PACS1: variants seen among roughly 807,000 people sequenced by gnomAD.
The protein encoded by PACS1 is phosphofurin acidic cluster sorting protein 1.
In PACS1, 24 loss-of-function variants were observed where a neutral mutation model predicts 115.0. That is an observed-to-expected ratio of 0.21 (90% CI 0.15 to 0.29). The LOEUF is 0.29. Among genes scored for constraint, PACS1 ranks in the 10% least tolerant of loss-of-function variants. The pLI is 1.00. For missense variants in PACS1, 838 were observed against 1,251.2 expected (o/e 0.67, Z 4.98); for synonymous variants, 453 against 504.5 (o/e 0.90, Z 1.37).
intron 1 of PACS1, chr11:66,100,969 A>C: frequency 2.2e-6 from 1 of 454,476 alleles, no homozygotes; most frequent in Non-Finnish European, 4.4e-6. Context: ...GGAGAGTCAC[A>C]TGGCCTCATT....
At position 66,243,327 on chromosome 11, in the gene PACS1, C is replaced by A; in HGVS notation, c.*47C>A. 3 of 1,352,678 alleles carry A rather than the reference C, an allele frequency of 2.2e-6. No homozygotes were observed. The highest frequency in any genetic ancestry group is 2.1e-6 in the Non-Finnish European group (2 of 972,876). The allele number at this position is 1,352,678 out of a possible 1,614,324, so 83.8% of individuals were successfully genotyped here. On this transcript the variant is annotated 3_prime_UTR_variant, in exon 24 of 24. Transcript: ENST00000320580. Reference sequence around the variant, plus strand: ...TCCCTCCTGGCACTGCCACCAGCCTCACCGCCTGCGGGCAGGGGGAGGCCA... The same window carrying A: ...TCCCTCCTGGCACTGCCACCAGCCTAACCGCCTGCGGGCAGGGGGAGGCCA...
chr11:66,157,108 A>G (rs1045969954), intron 1 of PACS1, among the ~76,000 whole-genome samples: 2 of 152,076 alleles, frequency 1.3e-5, no homozygotes, highest in African/African-American at 2.4e-5. Flanking sequence ...GTTGTGACCA[A>G]TGACAAATGA....
At chr11:66,180,897 G>A (rs1859995959) in intron 1 of PACS1, among the ~76,000 whole-genome samples, 1 of 152,168 alleles carries the variant, frequency 6.6e-6, no homozygotes, top group Non-Finnish European at 1.5e-5. Context: ...GGGCTCAAGT[G>A]ATCCACCCTC....
chr11:66,205,487 G>T (rs1854914156), intron 2 of PACS1, among the ~76,000 whole-genome samples: 1 of 151,698 alleles, frequency 6.6e-6, no homozygotes, highest in Admixed American at 6.6e-5. Flanking sequence ...ATTATTACAT[G>T]TTGTATGCCT....
At chr11:66,219,665 T>C in intron 7 of PACS1, 81 bp from the exon 8 acceptor site, 1 of 995,682 alleles carries the variant, frequency 1.0e-6, no homozygotes, top group Non-Finnish European at 1.6e-6. Flanking sequence ...GTCATGAAAG[T>C]GGGCTCTGGT....
intron 1 of PACS1, among the ~76,000 whole-genome samples, chr11:66,149,678 T>TCATG (rs1212162741): frequency 8.7e-6 from 1 of 115,588 alleles, no homozygotes; most frequent in Non-Finnish European, 1.8e-5. Flanking sequence ...CATCTTGTGT[T>TCATG]CGTGTGTGTG....
chr11:66,137,022 GC>G (rs10719542), intron 1 of PACS1, among the ~76,000 whole-genome samples: 30,298 of 132,154 alleles, frequency 0.23, 3,429 homozygotes, highest in Middle Eastern at 0.31. Flanking sequence ...GTCACAAATT[GC>G]CCCCCCCCCC....
chr11:66,135,128 A>G (rs969325063), intron 1 of PACS1, among the ~76,000 whole-genome samples: 1 of 151,954 alleles, frequency 6.6e-6, no homozygotes, highest in Non-Finnish European at 1.5e-5. Context: ...TGAACCCGGG[A>G]TGTGGAGGTT....
At chr11:66,202,130 C>G (rs2134686645) in intron 2 of PACS1, among the ~76,000 whole-genome samples, 1 of 152,144 alleles carries the variant, frequency 6.6e-6, no homozygotes, top group Admixed American at 6.5e-5. Context: ...AACTGGAGAA[C>G]CTAGAAGAAA....
rs1230240108 is a variant in PACS1 at position 66,070,743 on chromosome 11, C to T, written c.257C>T (p.Pro86Leu). Residue 86 changes from proline (P) to leucine (L), a missense_variant, in exon 1 of 24, where the codon CCT becomes CTT. Physicochemically the swap from Pro to Leu is moderately conservative, Grantham distance 98. Transcript: ENST00000320580. This position sits in a 1 kb window ranked among gnomAD's most constrained non-coding sequence, Gnocchi z 5.9. ...GTGGCGGTGGCCTCGGGCTCCGCGC[C>T]TCCCGGTGGCCCGGGGCCAGGCCGC... The part of the protein sequence containing the change: ...MAVAVASGSA[P>L]PGGPGPGRTP... 1 of 1,561,070 alleles carries T rather than the reference C, an allele frequency of 6.4e-7. No homozygotes were observed. Among genetic ancestry groups the T allele is most frequent in the South Asian group, 1.2e-5 (1 of 86,168 alleles).
At chr11:66,096,209 CTTTTTTTTTTT>C (rs66569530) in intron 1 of PACS1, among the ~76,000 whole-genome samples, 2 of 119,508 alleles carry the variant, frequency 1.7e-5, no homozygotes, top group Non-Finnish European at 3.3e-5. Context: ...CTTTTTCTTT[CTTTTTTTTTTT>C]TTTTTTTTTT....
intron 1 of PACS1, among the ~76,000 whole-genome samples, chr11:66,101,635 C>T (rs570379269): frequency 2.4e-4 from 37 of 152,240 alleles, no homozygotes; most frequent in Non-Finnish European, 4.4e-4. Context: ...CCTGATGTGT[C>T]ATCGAAGTGG....
chr11:66,225,126 C>T lies in PACS1; in HGVS notation c.1294-2378C>T, dbSNP rs879571014. ...GCCTGCTGCTAAGTCGCTATTTCCA[C>T]AGCACTATAAATAATGGCATTAGAG... On this transcript the variant is annotated intron_variant, in intron 10 of 23. Coordinates refer to ENST00000320580, the MANE Select transcript of PACS1 (RefSeq NM_018026.4). Among the ~76,000 whole-genome samples the T allele has an allele frequency of 1.0e-3, 157 of 152,336 alleles. 3 individuals carry two copies. The highest frequency in any genetic ancestry group is 8.7e-3 in the Admixed American group (133 of 15,294).
At chr11:66,134,254 CTTTTTTTTTTTTT>C (rs1162472902) in intron 1 of PACS1, among the ~76,000 whole-genome samples, 5 of 75,064 alleles carry the variant, frequency 6.7e-5, no homozygotes, top group Admixed American at 2.4e-4. Flanking sequence ...TTTTCTTTTT[CTTTTTTTTTTTTT>C]TTTTTTTTTT....
At chr11:66,150,172 A>C (rs1180312306) in intron 1 of PACS1, among the ~76,000 whole-genome samples, 1 of 152,248 alleles carries the variant, frequency 6.6e-6, no homozygotes, top group Non-Finnish European at 1.5e-5. Context: ...AAGACATATA[A>C]AATAGTAATT....
chr11:66,168,876 C>G (rs933004450), intron 1 of PACS1, among the ~76,000 whole-genome samples: 4 of 150,162 alleles, frequency 2.7e-5, no homozygotes, highest in African/African-American at 5.1e-5. Flanking sequence ...ATCTAGCAAC[C>G]TGGTTAATCT....
chr11:66,210,006 G>C (rs986987507), intron 2 of PACS1, among the ~76,000 whole-genome samples: 5 of 151,786 alleles, frequency 3.3e-5, no homozygotes, highest in African/African-American at 1.2e-4. Context: ...TGGTGACACA[G>C]CTTTGACAGA....
chr11:66,238,989 C>A, intron 20 of PACS1, 143 bp downstream of exon 20: 1 of 1,380,426 alleles, frequency 7.2e-7, no homozygotes, highest in East Asian at 2.4e-5. Context: ...GCCCTCACTC[C>A]CCTGCTGCGG....
intron 2 of PACS1, among the ~76,000 whole-genome samples, chr11:66,193,801 A>G (rs1485684468): frequency 6.6e-6 from 1 of 152,178 alleles, no homozygotes; most frequent in African/African-American, 2.4e-5. Flanking sequence ...AAGAACAGAA[A>G]TGGTTTTTCC....
Sources: allele counts gnomAD v4.1 joint callset (sites outside exome capture counted in the v4.1 genomes callset), GRCh38; gene constraint gnomAD v4.1.1; non-coding constraint Gnocchi (gnomAD v3.1); transcripts MANE v1.5; gene names NCBI Gene and HGNC (gene_info 2026-07-23, HGNC 2026-07-21).